Variants in DNAJC11 observed in about 807,000 individuals in gnomAD.
DNAJC11 encodes dnaJ homolog subfamily C member 11.
A neutral mutation model predicts 78.6 loss-of-function variants in DNAJC11; 15 were observed. The ratio of observed to expected loss-of-function variants is 0.19; its 90% CI spans 0.13 to 0.29. The LOEUF (loss-of-function observed/expected upper bound fraction) is 0.29, where lower values mean the gene tolerates loss of function less well. DNAJC11 is among the 10% of genes least tolerant of loss of function. DNAJC11 has a pLI of 1.00. For synonymous variants in DNAJC11, 292 were observed against 272.1 expected (o/e 1.07, Z -0.72); for missense variants, 547 against 709.6 (o/e 0.77, Z 2.60).
Position 6,647,080 on chromosome 1 carries a change from C to CTTTTT in DNAJC11, c.705-1107_705-1103dup, listed in dbSNP as rs70981396. Among the ~76,000 whole-genome samples, 15 of 95,028 alleles carry CTTTTT rather than the reference C, an allele frequency of 1.6e-4. 1 individual carries two copies. The highest frequency in any genetic ancestry group is 2.4e-4 in the African/African-American group (6 of 25,320). 62.3% of individuals were successfully genotyped at this position (95,028 alleles called of 152,430 possible). A position where few individuals can be genotyped will look rare whatever the true frequency, so the allele number is the denominator to read the frequency against. ...AAGGAGCACTTGAGCCTGGACAGGTCTTTTTTTTTTTTTTTTTTTTTTGAC... is the reference window on the plus strand; with the variant it reads ...AAGGAGCACTTGAGCCTGGACAGGTCTTTTTTTTTTTTTTTTTTTTTTTTTTTGAC... On this transcript the variant is annotated intron_variant, in intron 7 of 15. Transcript: ENST00000377577.
chr1:6,636,004 T>C (rs1293053326), intron 15 of DNAJC11, 113 bp downstream of exon 15: 7 of 1,429,544 alleles, frequency 4.9e-6, no homozygotes, highest in African/African-American at 1.4e-5. Context: ...GCGTCTCTGC[T>C]CCCAGGTGGG....
intron 1 of DNAJC11, among the ~76,000 whole-genome samples, chr1:6,695,143 CAAAA>C (rs747901916): frequency 0.068 from 9,137 of 134,362 alleles, 668 homozygotes; most frequent in East Asian, 0.4. Flanking sequence ...GAGACTCTCT[CAAAA>C]AAAAAAAAAA....
chr1:6,678,092 G>A (rs1210403457), intron 3 of DNAJC11, among the ~76,000 whole-genome samples: 1 of 152,104 alleles, frequency 6.6e-6, no homozygotes, highest in African/African-American at 2.4e-5. Flanking sequence ...CCCCTGCTCC[G>A]CTTGCTCCCG....
At chr1:6,665,399 C>T (rs986166028) in intron 4 of DNAJC11, among the ~76,000 whole-genome samples, 4 of 152,132 alleles carry the variant, frequency 2.6e-5, no homozygotes, top group African/African-American at 9.7e-5. Flanking sequence ...GAGATCACCC[C>T]TTTCTTCTCA....
chr1:6,657,490 C>T (rs1033774988), intron 4 of DNAJC11, among the ~76,000 whole-genome samples: 6 of 152,202 alleles, frequency 3.9e-5, no homozygotes, highest in Non-Finnish European at 7.3e-5. Context: ...AGTCAAGTCC[C>T]AGCCAATCCA....
chr1:6,660,445 C>A (rs957859271), intron 4 of DNAJC11, among the ~76,000 whole-genome samples: 6 of 152,124 alleles, frequency 3.9e-5, no homozygotes, highest in African/African-American at 1.4e-4. Flanking sequence ...CATGAGCCAC[C>A]ACGCCCAGTC....
intron 4 of DNAJC11, among the ~76,000 whole-genome samples, chr1:6,660,660 G>A (rs1418529418): frequency 6.6e-6 from 1 of 152,142 alleles, no homozygotes; most frequent in African/African-American, 2.4e-5. Flanking sequence ...CCACAAAATT[G>A]CTAATATTAA....
chr1:6,695,478 G>C (rs1485974426), intron 1 of DNAJC11, among the ~76,000 whole-genome samples: 1 of 151,836 alleles, frequency 6.6e-6, no homozygotes, highest in Non-Finnish European at 1.5e-5. Context: ...ATTATTACCT[G>C]TTACCTACAT....
intron 7 of DNAJC11, among the ~76,000 whole-genome samples, chr1:6,650,391 A>AC (rs1642036273): frequency 1.3e-5 from 2 of 152,038 alleles, no homozygotes. Flanking sequence ...CATAGAGATA[A>AC]CTTATCCCTA....
rs749462472 is a variant in DNAJC11 at position 6,638,279 on chromosome 1, G to A, written c.1323+16C>T. 6.2e-7 allele frequency: 1 copy of A among 1,610,166 alleles called. No homozygotes were observed. Among genetic ancestry groups the A allele is most frequent in the Non-Finnish European group, 8.5e-7 (1 of 1,177,276 alleles). ...CCCCTACAGCCCTCGCTTGGGAACGGTGGGGCAGCACTCACAGCGGACTCC... is the reference window on the plus strand; with the variant it reads ...CCCCTACAGCCCTCGCTTGGGAACGATGGGGCAGCACTCACAGCGGACTCC... On this transcript the variant is annotated intron_variant, in intron 12 of 15. Transcript: ENST00000377577.
intron 4 of DNAJC11, among the ~76,000 whole-genome samples, chr1:6,655,352 T>C (rs1642111221): frequency 6.6e-6 from 1 of 152,192 alleles, no homozygotes; most frequent in South Asian, 2.1e-4. Flanking sequence ...TAGAATTAGT[T>C]GTAGTGATAC....
intron 1 of DNAJC11, among the ~76,000 whole-genome samples, chr1:6,695,521 G>A (rs368246917): frequency 4.0e-5 from 6 of 150,430 alleles, no homozygotes; most frequent in African/African-American, 1.5e-4. Flanking sequence ...GCCAGGTGCA[G>A]TGGCTCATGC....
At chr1:6,699,317 C>A (rs373624982) in intron 1 of DNAJC11, among the ~76,000 whole-genome samples, 50 of 152,254 alleles carry the variant, frequency 3.3e-4, no homozygotes, top group African/African-American at 1.1e-3. Context: ...AACAAAATTT[C>A]TTTGGCTCCC....
Position 6,634,559 on chromosome 1 carries a change from G to T in DNAJC11, c.*1116C>A. 1 of 1,365,472 alleles carries T rather than the reference G, an allele frequency of 7.3e-7. No homozygotes were observed. Among genetic ancestry groups the T allele is most frequent in the Non-Finnish European group, 9.8e-7 (1 of 1,021,664 alleles). 84.6% of individuals were successfully genotyped at this position (1,365,472 alleles called of 1,614,324 possible). On this transcript the variant is annotated 3_prime_UTR_variant, in exon 16 of 16. Transcript: ENST00000377577. Reference sequence around the variant, plus strand: ...CACCTGTGCGGCGCTTGCTCCGAGGGGTCAGCAAGAGCAACTGATGGCTGC... The same window carrying T: ...CACCTGTGCGGCGCTTGCTCCGAGGTGTCAGCAAGAGCAACTGATGGCTGC...
intron 1 of DNAJC11, among the ~76,000 whole-genome samples, chr1:6,684,048 A>AT (rs1470244893): frequency 1.4e-5 from 2 of 144,394 alleles, no homozygotes; most frequent in Admixed American, 6.9e-5. Flanking sequence ...AAAGGGACTT[A>AT]TTTTTTTTCC....
At chr1:6,643,532 C>T (rs992144972) in intron 10 of DNAJC11, among the ~76,000 whole-genome samples, 6 of 151,960 alleles carry the variant, frequency 3.9e-5, no homozygotes. Context: ...GCCTTGGCCT[C>T]CCAAAGTGCT....
intron 1 of DNAJC11, among the ~76,000 whole-genome samples, chr1:6,691,639 G>C (rs908366161): frequency 1.3e-5 from 2 of 152,158 alleles, no homozygotes; most frequent in Non-Finnish European, 2.9e-5. Flanking sequence ...CTATTGGCTT[G>C]GCATTTTACT....
chr1:6,643,482 A>C (rs537846972), intron 10 of DNAJC11, among the ~76,000 whole-genome samples: 1 of 151,914 alleles, frequency 6.6e-6, no homozygotes, highest in South Asian at 2.1e-4. Context: ...TCACCGTGTT[A>C]GCCAGGATGG....
chr1:6,667,458 CAG>C (rs1284725564), intron 4 of DNAJC11, among the ~76,000 whole-genome samples: 6 of 152,252 alleles, frequency 3.9e-5, no homozygotes, highest in Admixed American at 2.0e-4. Flanking sequence ...CTGGAAAAAA[CAG>C]GGGACTGGTT....
Sources: gnomAD v4.1 joint callset for allele counts (sites outside exome capture counted in the v4.1 genomes callset) on GRCh38, gnomAD v4.1.1 for gene constraint, MANE v1.5 for transcripts, NCBI Gene and HGNC (gene_info 2026-07-23, HGNC 2026-07-21) for gene names.